MLLT10: variants seen among roughly 807,000 people sequenced by gnomAD.
MLLT10 encodes the protein protein AF-10.
In MLLT10, 30 loss-of-function variants were observed where a neutral mutation model predicts 129.1. The ratio of observed to expected loss-of-function variants is 0.23; its 90% CI spans 0.17 to 0.32. The LOEUF (loss-of-function observed/expected upper bound fraction) is 0.32. MLLT10 is among the 10% of genes least tolerant of loss of function. MLLT10 has a pLI of 1.00. For synonymous variants in MLLT10, 490 were observed against 446.4 expected (o/e 1.10, Z -1.23); for missense variants, 1,119 against 1,268.3 (o/e 0.88, Z 1.79).
intron 3 of MLLT10, among the ~76,000 whole-genome samples, chr10:21,574,194 A>G (rs1290900104): frequency 2.6e-5 from 4 of 152,208 alleles, no homozygotes; most frequent in Admixed American, 6.5e-5. Context: ...ATCAGTTTTG[A>G]TAAGTTTCAT....
intron 5 of MLLT10, among the ~76,000 whole-genome samples, chr10:21,601,137 G>C (rs2043488470): frequency 6.6e-6 from 1 of 152,032 alleles, no homozygotes; most frequent in Non-Finnish European, 1.5e-5. Flanking sequence ...ATAGAGATAG[G>C]ATCTCACTAT....
chr10:21,591,353 A>G (rs987081187), intron 4 of MLLT10, among the ~76,000 whole-genome samples: 2 of 152,118 alleles, frequency 1.3e-5, no homozygotes, highest in African/African-American at 4.8e-5. Context: ...GATAAATTTC[A>G]TATTTGTTGC....
At chr10:21,612,533 C>T in intron 6 of MLLT10, 82 bp downstream of exon 6, 1 of 726,688 alleles carries the variant, frequency 1.4e-6, no homozygotes, top group Non-Finnish European at 2.2e-6. Context: ...CTTAGATACT[C>T]AAACATTAAT....
intron 11 of MLLT10, among the ~76,000 whole-genome samples, chr10:21,675,368 A>G (rs548844657): frequency 6.6e-6 from 1 of 152,312 alleles, no homozygotes; most frequent in South Asian, 2.1e-4. Context: ...CTACAGGCCA[A>G]GAGCATCATC....
chr10:21,581,333 A>G (rs992020570), intron 3 of MLLT10, among the ~76,000 whole-genome samples: 3 of 152,302 alleles, frequency 2.0e-5, no homozygotes, highest in Admixed American at 2.0e-4. Context: ...GGCGTGAGCC[A>G]CTGCGCCCAG....
At chr10:21,687,768 A>G (rs1564648425) in intron 13 of MLLT10, among the ~76,000 whole-genome samples, 2 of 152,208 alleles carry the variant, frequency 1.3e-5, no homozygotes, top group East Asian at 3.9e-4. Context: ...CCTGACCGTT[A>G]GTAAACCTAG....
At chr10:21,663,433 A>G (rs922424832) in intron 9 of MLLT10, among the ~76,000 whole-genome samples, 3 of 151,196 alleles carry the variant, frequency 2.0e-5, no homozygotes, top group African/African-American at 4.9e-5. Flanking sequence ...CTGGAGTGCA[A>G]TGGTGTGATC....
chr10:21,545,607 G>A (rs7098100), intron 3 of MLLT10, among the ~76,000 whole-genome samples: 57,051 of 151,968 alleles, frequency 0.38, 11,600 homozygotes, highest in Middle Eastern at 0.54. Flanking sequence ...GACATTGATT[G>A]TTTAGAAAAA....
At chr10:21,638,756 T>C (rs1000332624) in intron 8 of MLLT10, among the ~76,000 whole-genome samples, 3 of 152,218 alleles carry the variant, frequency 2.0e-5, no homozygotes, top group Non-Finnish European at 4.4e-5. Context: ...GGAGTGCACA[T>C]CCCCATCTCT....
At chr10:21,556,945 T>C in intron 3 of MLLT10, 1 of 1,544,344 alleles carries the variant, frequency 6.5e-7, no homozygotes, top group Non-Finnish European at 8.7e-7. Context: ...GGTGGTAGTG[T>C]TTAAGTGGAA....
At chr10:21,559,910 G>C (rs2038583402) in intron 3 of MLLT10, among the ~76,000 whole-genome samples, 1 of 152,184 alleles carries the variant, frequency 6.6e-6, no homozygotes, top group African/African-American at 2.4e-5. Context: ...ATGCTGAGCT[G>C]AACACTGGTA....
At chr10:21,628,657 G>T (rs929486796) in intron 8 of MLLT10, among the ~76,000 whole-genome samples, 3 of 150,496 alleles carry the variant, frequency 2.0e-5, no homozygotes, top group Non-Finnish European at 4.4e-5. Flanking sequence ...GGTCAGGCTG[G>T]TTTCAACTCC....
At chr10:21,609,737 C>T (rs1185146230) in intron 5 of MLLT10, among the ~76,000 whole-genome samples, 1 of 152,206 alleles carries the variant, frequency 6.6e-6, no homozygotes, top group East Asian at 1.9e-4. Context: ...TGTTTTTTCC[C>T]TCTGACTTTA....
At chr10:21,728,866 ATTTTTTTT>A (rs201564671) in intron 16 of MLLT10, among the ~76,000 whole-genome samples, 1 of 139,180 alleles carries the variant, frequency 7.2e-6, no homozygotes, top group South Asian at 2.3e-4. Context: ...CATGTCTACA[ATTTTTTTT>A]TTTTTTTTTT....
intron 13 of MLLT10, among the ~76,000 whole-genome samples, chr10:21,704,347 CTCTCTCTCTCTA>C (rs1199843925): frequency 1.6e-5 from 1 of 60,700 alleles, no homozygotes; most frequent in African/African-American, 5.8e-5. Flanking sequence ...CTCTCTCTCT[CTCTCTCTCTCTA>C]TATATATATA....
intron 3 of MLLT10, among the ~76,000 whole-genome samples, chr10:21,539,359 G>A (rs1481225896): frequency 1.3e-5 from 2 of 150,304 alleles, no homozygotes; most frequent in Admixed American, 6.6e-5. Context: ...GTTTAACTTC[G>A]AACACTCACT....
chr10:21,645,603 A>G (rs144748075), intron 8 of MLLT10, among the ~76,000 whole-genome samples: 1,776 of 152,186 alleles, frequency 0.012, 17 homozygotes, highest in Middle Eastern at 0.024. Flanking sequence ...GTGATAATGA[A>G]ATTCTTTCTT....
intron 3 of MLLT10, among the ~76,000 whole-genome samples, chr10:21,568,495 G>A (rs2039841488): frequency 6.6e-6 from 1 of 152,046 alleles, no homozygotes; most frequent in Non-Finnish European, 1.5e-5. Context: ...TAAGGAACAA[G>A]GTGAAATCAC....
chr10:21,739,444 C>G (rs1283741973), intron 21 of MLLT10, among the ~76,000 whole-genome samples: 2 of 152,206 alleles, frequency 1.3e-5, no homozygotes, highest in Non-Finnish European at 2.9e-5. Context: ...GACCATTAAA[C>G]CCTACTCCCT....
Sources: allele counts gnomAD v4.1 joint callset (sites outside exome capture counted in the v4.1 genomes callset), GRCh38; gene constraint gnomAD v4.1.1; transcripts MANE v1.5; gene names NCBI Gene and HGNC (gene_info 2026-07-23, HGNC 2026-07-21).